The following GULP1 variants were observed in gnomAD, a reference collection of about 807,000 sequenced individuals.
GULP1 encodes PTB domain-containing engulfment adapter protein 1.
GULP1 carries 19 observed loss-of-function variants against 40.9 expected under a neutral mutation model. The ratio of observed to expected loss-of-function variants is 0.46; its 90% confidence interval spans 0.32 to 0.68. The LOEUF (loss-of-function observed/expected upper bound fraction) is 0.68. GULP1 is among the 30% of genes least tolerant of loss of function. GULP1 has a pLI of 0.03. For missense variants in GULP1, 312 were observed against 362.2 expected, an observed-to-expected ratio of 0.86 and a Z score of 1.12; for synonymous variants, 119 against 117.6, an observed-to-expected ratio of 1.01 and a Z score of -0.08.
intron 1 of GULP1, among the ~76,000 whole-genome samples, chr2:188,334,920 A>T (rs552739151): frequency 6.6e-6 from 1 of 152,210 alleles, no homozygotes; most frequent in African/African-American, 2.4e-5. Context: ...CTGTCATGGT[A>T]TAGGAGGAAA....
intron 4 of GULP1, among the ~76,000 whole-genome samples, chr2:188,514,892 A>G (rs2065020236): frequency 6.6e-6 from 1 of 152,140 alleles, no homozygotes; most frequent in African/African-American, 2.4e-5. Flanking sequence ...TAATTCATTC[A>G]TTTTTATACC....
intron 2 of GULP1, among the ~76,000 whole-genome samples, chr2:188,400,371 C>T (rs2052049971): frequency 6.6e-6 from 1 of 152,156 alleles, no homozygotes; most frequent in Non-Finnish European, 1.5e-5. Flanking sequence ...CAAACAAGGT[C>T]ACACTCAGAG....
intron 1 of GULP1, among the ~76,000 whole-genome samples, chr2:188,309,571 G>A (rs1559095211): frequency 6.6e-6 from 1 of 152,202 alleles, no homozygotes; most frequent in African/African-American, 2.4e-5. Flanking sequence ...TTATGCAATA[G>A]TGATGCTCTG....
chr2:188,297,140 C>T (rs928152769), intron 1 of GULP1, among the ~76,000 whole-genome samples: 8 of 152,052 alleles, frequency 5.3e-5, no homozygotes, highest in African/African-American at 1.9e-4. Flanking sequence ...TGCTAGAAAT[C>T]CTAGAAATCC....
At chr2:188,558,905 T>C (rs558266507) in intron 7 of GULP1, among the ~76,000 whole-genome samples, 1 of 152,300 alleles carries the variant, frequency 6.6e-6, no homozygotes, top group South Asian at 2.1e-4. Flanking sequence ...ACCAAAGCAT[T>C]CAAGAAGTGA....
intron 2 of GULP1, among the ~76,000 whole-genome samples, chr2:188,452,829 A>G (rs1461788325): frequency 6.6e-6 from 1 of 152,212 alleles, no homozygotes; most frequent in East Asian, 1.9e-4. Context: ...TTAATACAAT[A>G]ATAGGGTATA....
At chr2:188,523,332 GA>G (rs1443793846) in intron 5 of GULP1, among the ~76,000 whole-genome samples, 1 of 152,156 alleles carries the variant, frequency 6.6e-6, no homozygotes, top group Non-Finnish European at 1.5e-5. Flanking sequence ...TAGCCATGGG[GA>G]AACTGGTGAG....
intron 4 of GULP1, among the ~76,000 whole-genome samples, chr2:188,491,066 G>C (rs1013225553): frequency 6.6e-6 from 1 of 152,102 alleles, no homozygotes; most frequent in South Asian, 2.1e-4. Context: ...CCAAAGTGCT[G>C]GGATTACAGG....
intron 1 of GULP1, among the ~76,000 whole-genome samples, chr2:188,312,489 A>G (rs531811101): frequency 1.6e-4 from 24 of 152,108 alleles, no homozygotes; most frequent in Non-Finnish European, 3.1e-4. Context: ...ATTCATTTTT[A>G]TGGCAGCATA....
intron 4 of GULP1, among the ~76,000 whole-genome samples, chr2:188,521,513 C>T (rs2065775445): frequency 6.6e-6 from 1 of 152,032 alleles, no homozygotes; most frequent in South Asian, 2.1e-4. Context: ...AAAATCATGG[C>T]AGAAGATGAA....
At position 188,292,484 on chromosome 2, in the gene GULP1, C is replaced by T. The variant is rs1276869315; in HGVS notation, c.-172+318C>T. 6.6e-6 allele frequency among the ~76,000 whole-genome samples: 1 copy of T among 152,206 alleles called. No individual in the cohort carries two copies. The highest frequency in any genetic ancestry group is 1.5e-5 in the Non-Finnish European group (1 of 68,038). ...CGCAGCGGTCTCCGGGCTCCAGAAA[C>T]CTCCTTAGCCTTTTGTGGTAACTTT... On this transcript the variant is annotated intron_variant, in intron 1 of 11. Coordinates refer to ENST00000409830, the MANE Select transcript of GULP1 (RefSeq NM_016315.4). This position sits in a 1 kb window ranked among gnomAD's most constrained non-coding sequence, Gnocchi z 4.0.
At chr2:188,551,572 AT>A (rs1693454546) in intron 7 of GULP1, among the ~76,000 whole-genome samples, 1 of 151,668 alleles carries the variant, frequency 6.6e-6, no homozygotes, top group African/African-American at 2.4e-5. Context: ...CCATTTATCC[AT>A]TGGCGGACAT....
chr2:188,375,956 G>A lies in GULP1; in HGVS notation c.-171-7807G>A, dbSNP rs545714295. Among the ~76,000 whole-genome samples, 8 of 152,190 alleles carry A rather than the reference G, an allele frequency of 5.3e-5. No homozygotes were observed. In the East Asian group the frequency reaches 1.4e-3, roughly 26 times the overall value. ...TGCATACTCAAGTAAGGCTGCAGTA[G>A]CCATGCGGAACCCGTATATATGAAA... On this transcript the variant is annotated intron_variant, in intron 1 of 11. Transcript: ENST00000409830.
At position 188,531,423 on chromosome 2, in the gene GULP1, A is replaced by G. The variant is rs202048454; in HGVS notation, c.261+2228A>G. On this transcript the variant is annotated intron_variant, in intron 6 of 11. Transcript: ENST00000409830. ...GAAATCTGTAGTAAAGATCAATGGC[A>G]TACCTTCAACTTCCCATATTAAAGA... Among the ~76,000 whole-genome samples the G allele has an allele frequency of 1.6e-4, 24 of 152,346 alleles. No homozygotes were observed. The East Asian group carries it at 4.6e-3, about 29-fold the overall frequency.
intron 2 of GULP1, among the ~76,000 whole-genome samples, chr2:188,422,475 C>G (rs1021977795): frequency 6.6e-6 from 1 of 151,470 alleles, no homozygotes; most frequent in African/African-American, 2.4e-5. Context: ...TTAACCCCCT[C>G]CTTTACTTAA....
chr2:188,313,862 T>G (rs1170657863), intron 1 of GULP1, among the ~76,000 whole-genome samples: 1 of 152,080 alleles, frequency 6.6e-6, no homozygotes, highest in East Asian at 1.9e-4. Context: ...TTGAGTATTT[T>G]ATTTATTTTA....
At chr2:188,381,706 A>C (rs2152498332) in intron 1 of GULP1, among the ~76,000 whole-genome samples, 1 of 152,288 alleles carries the variant, frequency 6.6e-6, no homozygotes, top group Non-Finnish European at 1.5e-5. Flanking sequence ...CTCTCCTCTC[A>C]TTTAAGACCA....
intron 7 of GULP1, among the ~76,000 whole-genome samples, chr2:188,545,947 G>A (rs760910724): frequency 6.6e-6 from 1 of 151,818 alleles, no homozygotes; most frequent in Non-Finnish European, 1.5e-5. Context: ...ATTTACATCA[G>A]ATAAAGTAGA....
Position 188,440,273 on chromosome 2 carries a change from C to G in GULP1, c.-44-37386C>G, listed in dbSNP as rs968619089. Among the ~76,000 whole-genome samples, 2 of 152,176 alleles carry G rather than the reference C, an allele frequency of 1.3e-5. 1 individual carries two copies. Among genetic ancestry groups the G allele is most frequent in the African/African-American group, 4.8e-5 (2 of 41,444 alleles). Reference sequence around the variant, plus strand: ...AGAGGATAACTGTTAAAGCTTCTTTCACATGTCATTCAAATGCTAAACTTA... The same window carrying G: ...AGAGGATAACTGTTAAAGCTTCTTTGACATGTCATTCAAATGCTAAACTTA... On this transcript the variant is annotated intron_variant, in intron 2 of 11. Transcript: ENST00000409830.
Sources: allele counts gnomAD v4.1 joint callset (sites outside exome capture counted in the v4.1 genomes callset), GRCh38; gene constraint gnomAD v4.1.1; non-coding constraint Gnocchi (gnomAD v3.1); transcripts MANE v1.5; gene names NCBI Gene and HGNC (gene_info 2026-07-23, HGNC 2026-07-21).